Variants in CFH observed in about 807,000 individuals in gnomAD.
The protein encoded by CFH is H factor 1 (complement).
CFH carries 53 observed loss-of-function variants against 147.3 expected under a neutral mutation model. That is an observed-to-expected ratio of 0.36 (90% confidence interval 0.29 to 0.45). The LOEUF is 0.45. CFH is among the 20% of genes least tolerant of loss of function. The pLI, the probability that CFH is intolerant of heterozygous loss-of-function variation, is 1.00. For synonymous variants in CFH, 536 were observed against 489.4 expected (o/e 1.10, Z -1.26); for missense variants, 1,380 against 1,498.0 (o/e 0.92, Z 1.30).
intron 20 of CFH, 44 bp downstream of exon 20, chr1:196,743,672 G>A (rs1313712499): frequency 6.2e-7 from 1 of 1,612,126 alleles, no homozygotes; most frequent in East Asian, 2.2e-5. Flanking sequence ...GAGTATAGCA[G>A]GGTTAAAATA....
chr1:196,666,355 T>G (rs2149073127), intron 1 of CFH, among the ~76,000 whole-genome samples: 1 of 152,318 alleles, frequency 6.6e-6, no homozygotes, highest in African/African-American at 2.4e-5. Context: ...TTATTTCTAA[T>G]TCATTCGAGT....
chr1:196,681,010 C>G (rs1312025923), intron 6 of CFH, among the ~76,000 whole-genome samples: 2 of 151,754 alleles, frequency 1.3e-5, no homozygotes, highest in Non-Finnish European at 2.9e-5. Context: ...GTGTGGGGTC[C>G]AACTATTTGT....
Position 196,691,283 on chromosome 1 carries a change from G to C in CFH, c.1336+1044G>C, listed in dbSNP as rs572663880. Among the ~76,000 whole-genome samples the C allele has an allele frequency of 2.6e-5, 4 of 152,144 alleles. No individual in the cohort carries two copies. The South Asian group carries it at 6.2e-4, about 24-fold the overall frequency. ...CAAGCAGTGATATGACATTTTTACA[G>C]TAAAGCTATTTGACTTTCTCTAGTA... is the stretch of plus-strand genomic sequence containing the variant. On this transcript the variant is annotated intron_variant, in intron 9 of 21. Transcript: ENST00000367429.
At chr1:196,659,419 A>G (rs1259556586) in intron 1 of CFH, among the ~76,000 whole-genome samples, 1 of 152,170 alleles carries the variant, frequency 6.6e-6, no homozygotes, top group African/African-American at 2.4e-5. Context: ...TTGTCCAGTA[A>G]AGAATTCAAG....
chr1:196,701,067 G>A (rs1023307869), intron 9 of CFH, among the ~76,000 whole-genome samples: 1 of 152,150 alleles, frequency 6.6e-6, no homozygotes, highest in Non-Finnish European at 1.5e-5. Flanking sequence ...AGAGGGCATT[G>A]CTTGGGAGAA....
chr1:196,737,234 A>G (rs1048198298), intron 16 of CFH, among the ~76,000 whole-genome samples: 1 of 152,178 alleles, frequency 6.6e-6, no homozygotes, highest in Non-Finnish European at 1.5e-5. Flanking sequence ...ATTTCCATTC[A>G]TGCATATTTT....
chr1:196,664,089 C>T (rs1337787607), intron 1 of CFH, among the ~76,000 whole-genome samples: 2 of 152,198 alleles, frequency 1.3e-5, no homozygotes, highest in South Asian at 2.1e-4. Context: ...CAGGGTCTCA[C>T]CCTGTCTCTC....
chr1:196,681,406 C>A (rs1236516736), intron 6 of CFH, among the ~76,000 whole-genome samples: 2 of 151,252 alleles, frequency 1.3e-5, no homozygotes, highest in African/African-American at 4.8e-5. Context: ...AATGAGAGAT[C>A]CATCTGTTTT....
chr1:196,727,589 T>C (rs567977674), intron 14 of CFH, among the ~76,000 whole-genome samples: 3 of 152,128 alleles, frequency 2.0e-5, no homozygotes, highest in Non-Finnish European at 4.4e-5. Flanking sequence ...ATATAAATAT[T>C]ATTGTTATTG....
intron 9 of CFH, chr1:196,701,220 T>C: frequency 6.4e-7 from 1 of 1,552,020 alleles, no homozygotes. Context: ...GAACTCTTCT[T>C]GTTTGGTCAG....
At chr1:196,712,509 T>A (rs1668745317) in intron 9 of CFH, among the ~76,000 whole-genome samples, 1 of 151,884 alleles carries the variant, frequency 6.6e-6, no homozygotes, top group South Asian at 2.1e-4. Flanking sequence ...AAATATTTAA[T>A]GTTTCCTCTT....
intron 21 of CFH, among the ~76,000 whole-genome samples, chr1:196,746,707 A>G (rs568958732): frequency 6.6e-6 from 1 of 152,308 alleles, no homozygotes; most frequent in African/African-American, 2.4e-5. Flanking sequence ...CAATTTTCAA[A>G]TAAACAATAC....
intron 19 of CFH, 46 bp downstream of exon 19, chr1:196,742,097 C>A: frequency 6.3e-7 from 1 of 1,576,952 alleles, no homozygotes; most frequent in Non-Finnish European, 8.7e-7. Context: ...TGTGTGGGCC[C>A]AGCCCAGTGG....
intron 6 of CFH, among the ~76,000 whole-genome samples, chr1:196,680,510 T>G (rs1330011737): frequency 6.6e-6 from 1 of 151,870 alleles, no homozygotes; most frequent in African/African-American, 2.4e-5. Context: ...TGTGGACTTT[T>G]AAGAAATTAT....
chr1:196,660,061 G>A (rs931132701), intron 1 of CFH, among the ~76,000 whole-genome samples: 1 of 152,084 alleles, frequency 6.6e-6, no homozygotes, highest in African/African-American at 2.4e-5. Context: ...ATAGAGATGG[G>A]GATGGTAGTA....
rs771295998 is a variant in CFH, at chr1:196,715,476, C to T, written c.1520-117C>T. 326 of 762,094 alleles carry T rather than the reference C, an allele frequency of 4.3e-4. 1 individual carries two copies. Among genetic ancestry groups the T allele is most frequent in the Middle Eastern group, 9.2e-4 (3 of 3,268 alleles). 47.2% of individuals were successfully genotyped at this position (762,094 alleles called of 1,614,324 possible). On this transcript the variant is annotated intron_variant, in intron 10 of 21. Coordinates refer to ENST00000367429, the MANE Select transcript of CFH (RefSeq NM_000186.4). ...TCACCAGTCATAGATTATTTTTGTA[C>T]GGTACCTATTTATTAGTAGATCTAA...
intron 11 of CFH, among the ~76,000 whole-genome samples, chr1:196,718,994 T>A (rs1408945715): frequency 2.6e-5 from 4 of 152,074 alleles, no homozygotes; most frequent in Admixed American, 2.6e-4. Flanking sequence ...ATATTTCAAG[T>A]GTCCTAGGAG....
At position 196,747,500 on chromosome 1, in the gene CFH, A is replaced by T; in HGVS notation, c.*187A>T. ...AAAGCACCATATTAAATCCTGGAAA[A>T]CTAACGGTTGTGTCCAGTTCATAAA... On this transcript the variant is annotated 3_prime_UTR_variant, in exon 22 of 22. Coordinates refer to ENST00000367429, the MANE Select transcript of CFH (RefSeq NM_000186.4). The T allele has an allele frequency of 1.2e-6, 1 of 836,494 alleles. No individual in the cohort carries two copies. The highest frequency in any genetic ancestry group is 1.9e-6 in the Non-Finnish European group (1 of 530,392). The allele number at this position is 836,494 out of a possible 1,614,324, so 51.8% of individuals were successfully genotyped here. A position where few individuals can be genotyped will look rare whatever the true frequency, so the allele number is the denominator to read the frequency against.
At chr1:196,721,348 A>T (rs1668994348) in intron 11 of CFH, among the ~76,000 whole-genome samples, 1 of 151,898 alleles carries the variant, frequency 6.6e-6, no homozygotes. Context: ...TTTCATGTAT[A>T]TGGATAGTTT....
Sources: gnomAD v4.1 joint callset for allele counts (sites outside exome capture counted in the v4.1 genomes callset) on GRCh38, gnomAD v4.1.1 for gene constraint, MANE v1.5 for transcripts, NCBI Gene and HGNC (gene_info 2026-07-23, HGNC 2026-07-21) for gene names.